TTC39B: variants seen among roughly 807,000 people sequenced by gnomAD.
The protein encoded by TTC39B is tetratricopeptide repeat domain 39B.
TTC39B carries 92 observed loss-of-function variants against 96.6 expected under a neutral mutation model. That is an observed-to-expected ratio of 0.95 (90% CI 0.80 to 1.13). The LOEUF is 1.13. TTC39B is among the 50% of genes most tolerant of loss of function. TTC39B has a pLI of 0.00. For synonymous variants in TTC39B, 367 were observed against 299.4 expected, an observed-to-expected ratio of 1.23 and a Z score of -2.33; for missense variants, 955 against 809.3, an observed-to-expected ratio of 1.18 and a Z score of -2.18.
chr9:15,300,310 G>C (rs982946741), intron 1 of TTC39B, among the ~76,000 whole-genome samples: 1 of 152,108 alleles, frequency 6.6e-6, no homozygotes, highest in African/African-American at 2.4e-5. Flanking sequence ...AAGGAACCCA[G>C]AATTATTACT....
intron 8 of TTC39B, 26 bp from the exon 9 acceptor site, chr9:15,192,721 C>T (rs572917814): frequency 2.8e-5 from 42 of 1,513,278 alleles, no homozygotes; most frequent in East Asian, 6.8e-5. Flanking sequence ...AAAGTGACAG[C>T]ATAAGTTGAC....
chr9:15,244,244 T>C (rs1356620739), intron 2 of TTC39B, among the ~76,000 whole-genome samples: 1 of 152,278 alleles, frequency 6.6e-6, no homozygotes, highest in African/African-American at 2.4e-5. Context: ...GGTTCTCTTA[T>C]TTCTGACTGA....
intron 2 of TTC39B, among the ~76,000 whole-genome samples, chr9:15,241,998 G>A (rs1419350159): frequency 5.3e-5 from 8 of 151,880 alleles, no homozygotes; most frequent in East Asian, 1.9e-4. Context: ...CACCTGCCTC[G>A]ACCTCCCAAA....
At chr9:15,288,331 C>T (rs1824054670) in intron 1 of TTC39B, among the ~76,000 whole-genome samples, 1 of 152,198 alleles carries the variant, frequency 6.6e-6, no homozygotes, top group South Asian at 2.1e-4. Context: ...CGGCCCACCA[C>T]ATCCCCTATC....
chr9:15,198,118 C>T (rs1184826448), intron 8 of TTC39B, among the ~76,000 whole-genome samples: 2 of 152,078 alleles, frequency 1.3e-5, no homozygotes, highest in Admixed American at 6.5e-5. Context: ...AGTCTGACAC[C>T]GCATTGTAGG....
At chr9:15,225,109 A>T (rs1821050372) in intron 3 of TTC39B, among the ~76,000 whole-genome samples, 1 of 152,204 alleles carries the variant, frequency 6.6e-6, no homozygotes, top group Non-Finnish European at 1.5e-5. Context: ...TCAAAGAGAG[A>T]ATCTGTTAAT....
intron 1 of TTC39B, among the ~76,000 whole-genome samples, chr9:15,270,217 T>A (rs1397006196): frequency 6.6e-6 from 1 of 151,430 alleles, no homozygotes; most frequent in Admixed American, 6.6e-5. Flanking sequence ...TGAGTTTGAG[T>A]TTGGGACCCT....
intron 2 of TTC39B, among the ~76,000 whole-genome samples, chr9:15,239,319 A>T (rs1821930372): frequency 6.6e-6 from 1 of 152,238 alleles, no homozygotes; most frequent in Non-Finnish European, 1.5e-5. Context: ...TGTTGGTGGG[A>T]ACAAACGTTG....
chr9:15,275,475 G>A (rs1259626248), intron 1 of TTC39B, among the ~76,000 whole-genome samples: 1 of 152,144 alleles, frequency 6.6e-6, no homozygotes. Context: ...ATGGAGTAAC[G>A]GGCATTTTAA....
At chr9:15,280,725 G>T (rs1563785338) in intron 1 of TTC39B, among the ~76,000 whole-genome samples, 1 of 152,204 alleles carries the variant, frequency 6.6e-6, no homozygotes, top group Non-Finnish European at 1.5e-5. Context: ...CTAGAAGAGG[G>T]TCAGGAGAGG....
chr9:15,174,485 G>A (rs550659100), intron 19 of TTC39B, among the ~76,000 whole-genome samples: 11 of 152,214 alleles, frequency 7.2e-5, no homozygotes, highest in East Asian at 3.9e-4. Context: ...TGAAACTGCC[G>A]CAATAAACAG....
At chr9:15,221,718 GA>G (rs945924303) in intron 3 of TTC39B, among the ~76,000 whole-genome samples, 1 of 152,180 alleles carries the variant, frequency 6.6e-6, no homozygotes, top group African/African-American at 2.4e-5. Flanking sequence ...TTAATTAACA[GA>G]AAGAGTTGGG....
intron 9 of TTC39B, among the ~76,000 whole-genome samples, chr9:15,192,221 T>C (rs955196815): frequency 9.2e-5 from 14 of 152,226 alleles, no homozygotes; most frequent in African/African-American, 2.7e-4. Context: ...TCAGGAATCA[T>C]CAAAAATCAT....
At chr9:15,217,093 C>G (rs1820563518) in intron 3 of TTC39B, among the ~76,000 whole-genome samples, 1 of 152,002 alleles carries the variant, frequency 6.6e-6, no homozygotes, top group Non-Finnish European at 1.5e-5. Flanking sequence ...ATGTGATGAG[C>G]AAGGCAGAGA....
chr9:15,183,199 G>C (rs1026784612), intron 16 of TTC39B: 4 of 295,194 alleles, frequency 1.4e-5, no homozygotes, highest in Non-Finnish European at 2.6e-5. Context: ...TGGAAATGAG[G>C]ACGACACACT....
chr9:15,228,550 A>T (rs763238400), intron 2 of TTC39B, among the ~76,000 whole-genome samples: 1 of 152,196 alleles, frequency 6.6e-6, no homozygotes, highest in Non-Finnish European at 1.5e-5. Context: ...ACTCACCGTA[A>T]ACAGTAAAAA....
Position 15,267,939 on chromosome 9 carries a change from C to G in TTC39B, c.250G>C (p.Glu84Gln), listed in dbSNP as rs754168316. The stretch of plus-strand genomic sequence containing the variant: ...ATTGAGATGGTTTCCAAGGCATCTT[C>G]GAAAACGTCCTGGGGGAAATAAAAA... Residue 84 changes from glutamate (E) to glutamine (Q), a missense_variant, in exon 2 of 20, where the codon GAA becomes CAA. Glu to Gln is a conservative substitution (Grantham distance 29). Coordinates refer to ENST00000512701, the Ensembl canonical transcript of TTC39B. 25 of 1,610,204 alleles carry G rather than the reference C, an allele frequency of 1.6e-5. No homozygotes were observed. The South Asian group carries it at 1.7e-4, about 11-fold the overall frequency.
chr9:15,207,301 A>T (rs1002924), intron 6 of TTC39B, among the ~76,000 whole-genome samples: 31,687 of 152,214 alleles, frequency 0.21, 3,798 homozygotes, highest in East Asian at 0.64. Context: ...GGCCCAGCCT[A>T]CTTTTTATAA....
chr9:15,239,751 T>C (rs1412021277), intron 2 of TTC39B, among the ~76,000 whole-genome samples: 1 of 152,130 alleles, frequency 6.6e-6, no homozygotes, highest in Non-Finnish European at 1.5e-5. Context: ...CACTTGGTAC[T>C]CCAAAAGAGG....
Sources: gnomAD v4.1 joint callset for allele counts (sites outside exome capture counted in the v4.1 genomes callset) on GRCh38, gnomAD v4.1.1 for gene constraint, MANE v1.5 for transcripts, NCBI Gene and HGNC (gene_info 2026-07-23, HGNC 2026-07-21) for gene names.